The following ZNF407 variants were observed in gnomAD, a reference collection of about 807,000 sequenced individuals.
ZNF407 encodes zinc finger protein 407.
Under a neutral mutation model 131.2 loss-of-function variants are expected in ZNF407, and 17 were observed. The observed-to-expected ratio is 0.13, with a 90% CI of 0.09 to 0.19. The LOEUF is 0.19. Ranked by LOEUF, ZNF407 falls within the 10% of genes least tolerant of loss-of-function variation. ZNF407 has a pLI of 1.00. For synonymous variants in ZNF407, 1,156 were observed against 1,062.0 expected (o/e 1.09, Z -1.72); for missense variants, 2,681 against 2,830.6 (o/e 0.95, Z 1.20).
At chr18:74,891,126 TC>T in intron 7 of ZNF407, among the ~76,000 whole-genome samples, 1 of 152,066 alleles carries the variant, frequency 6.6e-6, no homozygotes, top group Non-Finnish European at 1.5e-5. Flanking sequence ...TAGTGGAAGA[TC>T]AGGTGGAGCA....
intron 3 of ZNF407, among the ~76,000 whole-genome samples, chr18:74,748,121 C>T (rs753290030): frequency 7.5e-4 from 114 of 152,080 alleles, no homozygotes; most frequent in Admixed American, 1.2e-3. Flanking sequence ...GGGATATGTT[C>T]AACTATTTTA....
intron 1 of ZNF407, among the ~76,000 whole-genome samples, chr18:74,623,343 A>AGT (rs1983643593): frequency 1.3e-5 from 2 of 150,176 alleles, no homozygotes; most frequent in African/African-American, 4.9e-5. Flanking sequence ...TGCATGTGTG[A>AGT]GTGTGAGTGC....
intron 3 of ZNF407, among the ~76,000 whole-genome samples, chr18:74,715,219 T>G (rs1439033197): frequency 1.3e-5 from 2 of 152,266 alleles, no homozygotes; most frequent in East Asian, 3.8e-4. Flanking sequence ...CTGCCTGTTC[T>G]CTGAAGACTT....
intron 3 of ZNF407, among the ~76,000 whole-genome samples, chr18:74,755,536 T>TCTCCCTCCCTTC (rs1968911355): frequency 1.0e-5 from 1 of 99,148 alleles, no homozygotes. Context: ...TCTTTCCCTC[T>TCTCCCTCCCTTC]CTCCCTCCCT....
At chr18:74,604,151 T>TA (rs1343579186) in intron 1 of ZNF407, among the ~76,000 whole-genome samples, 2 of 152,160 alleles carry the variant, frequency 1.3e-5, no homozygotes, top group Non-Finnish European at 2.9e-5. Flanking sequence ...GATGAAGAGA[T>TA]AAGAGAGGTC....
chr18:74,711,663 C>G (rs1233916759), intron 3 of ZNF407, among the ~76,000 whole-genome samples: 1 of 152,160 alleles, frequency 6.6e-6, no homozygotes, highest in Admixed American at 6.5e-5. Flanking sequence ...TAATTTATTA[C>G]AGTATTTCTA....
At chr18:75,052,923 C>T (rs765162963) in intron 8 of ZNF407, among the ~76,000 whole-genome samples, 1 of 152,364 alleles carries the variant, frequency 6.6e-6, no homozygotes, top group African/African-American at 2.4e-5. Context: ...TCCTTTCAAA[C>T]AGGCTTTTAG....
In ZNF407 at chr18:75,028,824, A is replaced by T. The variant is rs1386172935; in HGVS notation, c.5429-34326A>T. 2.0e-5 allele frequency among the ~76,000 whole-genome samples: 3 copies of T among 152,188 alleles called. No individual in the cohort carries two copies. In the East Asian group the frequency reaches 5.8e-4, roughly 29 times the overall value. The stretch of plus-strand genomic sequence containing the variant: ...TTAAAGCTGTCCCATCCTATCTTTT[A>T]CATTTGTGTCTGTCTCCTGAAGTAG... On this transcript the variant is annotated intron_variant, in intron 8 of 8. Coordinates refer to ENST00000299687, the MANE Select transcript of ZNF407 (RefSeq NM_017757.3).
intron 8 of ZNF407, among the ~76,000 whole-genome samples, chr18:74,992,421 T>A (rs1175038780): frequency 6.6e-6 from 1 of 151,978 alleles, no homozygotes; most frequent in Non-Finnish European, 1.5e-5. Context: ...TGAAGGTAAT[T>A]AGAGAACTCG....
rs540975470 is a variant in ZNF407, at chr18:74,875,240, G to T, written c.4878-1957G>T. 6.6e-5 allele frequency among the ~76,000 whole-genome samples: 10 copies of T among 152,246 alleles called. No homozygotes were observed. In the South Asian group the frequency reaches 2.1e-3, roughly 32 times the overall value. On this transcript the variant is annotated intron_variant, in intron 4 of 8. Transcript: ENST00000299687. Reference sequence around the variant, plus strand: ...CTTATTTATTTTCATAAAGCAAATTGTAGAACACATGAGGTTTTCTGAAAG... The same window carrying T: ...CTTATTTATTTTCATAAAGCAAATTTTAGAACACATGAGGTTTTCTGAAAG...
chr18:74,901,683 T>G (rs1370844887), intron 7 of ZNF407, among the ~76,000 whole-genome samples: 1 of 6,230 alleles, frequency 1.6e-4, no homozygotes, highest in Non-Finnish European at 3.0e-3. Flanking sequence ...ATATTTTTAA[T>G]TGCTTCCTTC....
chr18:75,008,275 C>T (rs1027575560), intron 8 of ZNF407, among the ~76,000 whole-genome samples: 3 of 152,206 alleles, frequency 2.0e-5, no homozygotes, highest in African/African-American at 7.2e-5. Flanking sequence ...TGGCCATAGC[C>T]ATTCCAGTCT....
chr18:75,060,717 G>A (rs1191104751), intron 8 of ZNF407, among the ~76,000 whole-genome samples: 1 of 151,894 alleles, frequency 6.6e-6, no homozygotes, highest in Non-Finnish European at 1.5e-5. Context: ...GTGTTAGCCA[G>A]GATGGTCTCG....
At chr18:74,928,167 A>G (rs564795831) in intron 8 of ZNF407, among the ~76,000 whole-genome samples, 33 of 152,322 alleles carry the variant, frequency 2.2e-4, no homozygotes, top group African/African-American at 5.1e-4. Flanking sequence ...ACATCAATCA[A>G]TACATGTAAG....
At chr18:74,685,404 T>G (rs1242929154) in intron 3 of ZNF407, among the ~76,000 whole-genome samples, 2 of 152,202 alleles carry the variant, frequency 1.3e-5, no homozygotes, top group Non-Finnish European at 2.9e-5. Context: ...GTCTTCCTTC[T>G]CCTATTACTG....
intron 8 of ZNF407, among the ~76,000 whole-genome samples, chr18:75,042,227 A>G (rs539138283): frequency 1.3e-5 from 2 of 152,278 alleles, no homozygotes; most frequent in South Asian, 4.1e-4. Flanking sequence ...TAACAACAGT[A>G]AAAGTAAAAT....
intron 7 of ZNF407, among the ~76,000 whole-genome samples, chr18:74,895,980 A>C (rs1477173001): frequency 6.6e-6 from 1 of 152,224 alleles, no homozygotes; most frequent in African/African-American, 2.4e-5. Flanking sequence ...CCCTGAATAC[A>C]GACAATGAGA....
chr18:74,652,333 G>A (rs1985264676), intron 3 of ZNF407, among the ~76,000 whole-genome samples: 1 of 151,976 alleles, frequency 6.6e-6, no homozygotes, highest in Non-Finnish European at 1.5e-5. Context: ...TAGAAATAAA[G>A]GGTTTTAATA....
chr18:74,672,267 C>T (rs1268139226), intron 3 of ZNF407, among the ~76,000 whole-genome samples: 2 of 152,194 alleles, frequency 1.3e-5, no homozygotes, highest in Admixed American at 1.3e-4. Context: ...GATGGAATCT[C>T]ATTGTGGTTT....
Sources: allele counts gnomAD v4.1 joint callset (sites outside exome capture counted in the v4.1 genomes callset), GRCh38; gene constraint gnomAD v4.1.1; transcripts MANE v1.5; gene names NCBI Gene and HGNC (gene_info 2026-07-23, HGNC 2026-07-21).